Variants in PMEPA1 observed in about 807,000 individuals in gnomAD.
PMEPA1 encodes the protein prostate transmembrane protein, androgen induced 1.
A neutral mutation model predicts 23.0 loss-of-function variants in PMEPA1; 11 were observed. That is an observed-to-expected ratio of 0.48 (90% CI 0.30 to 0.79). The LOEUF (loss-of-function observed/expected upper bound fraction) is 0.79, where lower values mean the gene tolerates loss of function less well. Ranked by LOEUF, PMEPA1 falls within the 30% of genes least tolerant of loss-of-function variation. The pLI, the probability that PMEPA1 is intolerant of heterozygous loss-of-function variation, is 0.06. For missense variants in PMEPA1, 377 were observed against 390.9 expected (o/e 0.96, Z 0.30); for synonymous variants, 204 against 166.4 (o/e 1.23, Z -1.74).
At chr20:57,710,732 G>A (rs2072170284), upstream of PMEPA1, 2 of 460,224 alleles carry the variant, frequency 4.3e-6, no homozygotes, top group Non-Finnish European at 7.7e-6. Flanking sequence ...CGGCTGCGGA[G>A]TTCAAAAGGG....
chr20:57,692,879 G>A (rs1344509129), intron 1 of PMEPA1, among the ~76,000 whole-genome samples: 1 of 152,222 alleles, frequency 6.6e-6, no homozygotes, highest in South Asian at 2.1e-4. Flanking sequence ...CTGGTAATAG[G>A]ACTATTTTCC....
chr20:57,657,731 G>A (rs924047673), intron 2 of PMEPA1, among the ~76,000 whole-genome samples: 1 of 152,228 alleles, frequency 6.6e-6, no homozygotes, highest in African/African-American at 2.4e-5. Flanking sequence ...GCCAGGGACA[G>A]GCCTTCCGGC....
intron 1 of PMEPA1, among the ~76,000 whole-genome samples, chr20:57,699,719 G>C (rs2146708992): frequency 6.6e-6 from 1 of 152,322 alleles, no homozygotes; most frequent in Non-Finnish European, 1.5e-5. Flanking sequence ...AACCGATTCA[G>C]CTTCCTACTT....
At chr20:57,692,039 T>C (rs2071889233) in intron 1 of PMEPA1, among the ~76,000 whole-genome samples, 2 of 152,172 alleles carry the variant, frequency 1.3e-5, no homozygotes, top group South Asian at 4.1e-4. Context: ...TTTTCACGGG[T>C]AGGTCCCGGG....
chr20:57,710,526 C>A (rs1035281438), upstream of PMEPA1: 5 of 1,565,126 alleles, frequency 3.2e-6, no homozygotes, highest in Non-Finnish European at 4.3e-6. Context: ...TCATGGCCCA[C>A]TGAACCCCCA....
intron 1 of PMEPA1, among the ~76,000 whole-genome samples, chr20:57,696,084 CA>C (rs1393632266): frequency 6.6e-6 from 1 of 152,204 alleles, no homozygotes; most frequent in African/African-American, 2.4e-5. Context: ...CTGTTACCGA[CA>C]ATTTCTGCTC....
chr20:57,652,010 G>T lies in PMEPA1; in HGVS notation c.*43C>A, dbSNP rs374827364. 2.1e-6 allele frequency: 3 copies of T among 1,433,612 alleles called. No homozygotes were observed. The highest frequency in any genetic ancestry group is 5.0e-5 in the East Asian group (2 of 39,742). 88.8% of individuals were successfully genotyped at this position (1,433,612 alleles called of 1,614,324 possible). ...TCTTCTAAGAAGCGCGGAGTGTTCTGCCTTTTCACCTACGCAGCCCCAGCC... is the reference window on the plus strand; with the variant it reads ...TCTTCTAAGAAGCGCGGAGTGTTCTTCCTTTTCACCTACGCAGCCCCAGCC... On this transcript the variant is annotated 3_prime_UTR_variant, in exon 4 of 4. Transcript: ENST00000341744. The surrounding 1 kb of genome is among the most constrained non-coding windows in gnomAD (Gnocchi z 6.1).
rs188070599 is a variant in PMEPA1, at chr20:57,685,406, C to T, written c.109+24068G>A. Among the ~76,000 whole-genome samples, 22 of 152,364 alleles carry T rather than the reference C, an allele frequency of 1.4e-4. 1 individual carries two copies. In the South Asian group the frequency reaches 3.5e-3, roughly 24 times the overall value. On this transcript the variant is annotated intron_variant, in intron 1 of 3. Coordinates refer to ENST00000341744, the MANE Select transcript of PMEPA1 (RefSeq NM_020182.5). ...ACCTTGTCAGATCTCTCTCCCCTCA[C>T]GCAGACCAAATATTCCGCTGGCGTG...
intron 1 of PMEPA1, among the ~76,000 whole-genome samples, chr20:57,673,548 C>T (rs1251054657): frequency 1.3e-5 from 2 of 152,198 alleles, no homozygotes; most frequent in Non-Finnish European, 2.9e-5. Context: ...CTGGTAGACT[C>T]CTCTTTAACC....
In PMEPA1 at chr20:57,651,058, A is replaced by T. The variant is rs1179590441; in HGVS notation, c.*995T>A. The stretch of plus-strand genomic sequence containing the variant: ...TTGGAAAAAAGAAGAGGAAAAACTA[A>T]TTCCTTCGGTAACAGTTTATTTTCA... On this transcript the variant is annotated 3_prime_UTR_variant, in exon 4 of 4. Coordinates refer to ENST00000341744, the MANE Select transcript of PMEPA1 (RefSeq NM_020182.5). 1 of 152,220 alleles carries T rather than the reference A, an allele frequency of 6.6e-6. No individual in the cohort carries two copies. Among genetic ancestry groups the T allele is most frequent in the Non-Finnish European group, 1.5e-5 (1 of 68,044 alleles). 9.4% of individuals were successfully genotyped at this position (152,220 alleles called of 1,614,324 possible). A position where few individuals can be genotyped will look rare whatever the true frequency, so the allele number is the denominator to read the frequency against.
Position 57,653,013 on chromosome 20 carries a change from G to A in PMEPA1, c.318+20C>T. 1 of 1,586,822 alleles carries A rather than the reference G, an allele frequency of 6.3e-7. No homozygotes were observed. Among genetic ancestry groups the A allele is most frequent in the Non-Finnish European group, 8.6e-7 (1 of 1,165,414 alleles). On this transcript the variant is annotated intron_variant, in intron 3 of 3. Coordinates refer to ENST00000341744, the MANE Select transcript of PMEPA1 (RefSeq NM_020182.5). ...AGGGTGGGATGGGGGTGTTGGAGGG[G>A]AGGCCGAGGGAGGTCTCACCTCTGG...
intron 1 of PMEPA1, among the ~76,000 whole-genome samples, chr20:57,699,688 C>T (rs990719282): frequency 1.3e-5 from 2 of 152,174 alleles, no homozygotes; most frequent in African/African-American, 4.8e-5. Flanking sequence ...GAGCAGTTTG[C>T]ATTGCTCAAA....
chr20:57,693,104 C>T (rs1363943790), intron 1 of PMEPA1, among the ~76,000 whole-genome samples: 3 of 152,238 alleles, frequency 2.0e-5, no homozygotes, highest in Non-Finnish European at 2.9e-5. Flanking sequence ...CCTCGCTCTG[C>T]GTTCCTGCCC....
intron 2 of PMEPA1, among the ~76,000 whole-genome samples, chr20:57,657,111 C>T (rs117956198): frequency 0.02 from 3,104 of 152,240 alleles, 53 homozygotes; most frequent in Non-Finnish European, 0.031. Flanking sequence ...TCCCAGGTGC[C>T]GTCTCCTGCT....
chr20:57,662,822 G>A (rs1393456234), intron 1 of PMEPA1, among the ~76,000 whole-genome samples: 1 of 152,134 alleles, frequency 6.6e-6, no homozygotes, highest in Non-Finnish European at 1.5e-5. Context: ...CCTGGAGGGA[G>A]GGAGGTGTGT....
intron 1 of PMEPA1, among the ~76,000 whole-genome samples, chr20:57,662,719 C>A (rs2071438970): frequency 6.6e-6 from 1 of 152,064 alleles, no homozygotes; most frequent in South Asian, 2.1e-4. Context: ...CCCCCACCCC[C>A]GGGGCCTGCA....
chr20:57,707,053 A>G (rs917015263), intron 1 of PMEPA1, among the ~76,000 whole-genome samples: 6 of 152,218 alleles, frequency 3.9e-5, no homozygotes, highest in Non-Finnish European at 8.8e-5. Flanking sequence ...AGCAAGGTCA[A>G]TTTCCTTCTG....
intron 1 of PMEPA1, among the ~76,000 whole-genome samples, chr20:57,697,034 A>G (rs982942854): frequency 6.6e-6 from 1 of 152,196 alleles, no homozygotes; most frequent in Non-Finnish European, 1.5e-5. Flanking sequence ...GCTACATGGT[A>G]GCTGAAGTGT....
intron 1 of PMEPA1, among the ~76,000 whole-genome samples, chr20:57,672,581 C>G (rs1473648737): frequency 6.6e-6 from 1 of 152,236 alleles, no homozygotes; most frequent in African/African-American, 2.4e-5. Context: ...CTGGAGGGGT[C>G]TCGCCGCTAA....
Sources: gnomAD v4.1 joint callset for allele counts (sites outside exome capture counted in the v4.1 genomes callset) on GRCh38, gnomAD v4.1.1 for gene constraint, Gnocchi (gnomAD v3.1) non-coding constraint, MANE v1.5 for transcripts, NCBI Gene and HGNC (gene_info 2026-07-23, HGNC 2026-07-21) for gene names.